The following EXOC6 variants were observed in gnomAD, a reference collection of about 807,000 sequenced individuals.
The protein encoded by EXOC6 is SEC15-like 1.
Under a neutral mutation model 112.5 loss-of-function variants are expected in EXOC6, and 60 were observed. The ratio of observed to expected loss-of-function variants is 0.53; its 90% confidence interval spans 0.43 to 0.66. The LOEUF is 0.66. EXOC6 is among the 30% of genes least tolerant of loss of function. EXOC6 has a pLI of 0.00. For synonymous variants in EXOC6, 295 were observed against 308.0 expected (o/e 0.96, Z 0.44); for missense variants, 855 against 957.1 (o/e 0.89, Z 1.41).
chr10:92,920,812 T>C (rs549574784), intron 8 of EXOC6, among the ~76,000 whole-genome samples: 1 of 152,248 alleles, frequency 6.6e-6, no homozygotes, highest in Non-Finnish European at 1.5e-5. Flanking sequence ...GTCTTCCTGA[T>C]GGATTGACCT....
chr10:92,908,597 A>G (rs561271462), intron 5 of EXOC6, among the ~76,000 whole-genome samples: 1 of 152,202 alleles, frequency 6.6e-6, no homozygotes, highest in Non-Finnish European at 1.5e-5. Flanking sequence ...CAGTCCAGCT[A>G]CGAATTAATA....
intron 1 of EXOC6, among the ~76,000 whole-genome samples, chr10:92,862,195 A>AT (rs1213813277): frequency 1.3e-5 from 2 of 152,012 alleles, no homozygotes; most frequent in African/African-American, 2.4e-5. Context: ...GCTTTCTATG[A>AT]TTTTACCTAT....
At chr10:92,963,208 TTTGAATG>T (rs1488286279) in intron 17 of EXOC6, among the ~76,000 whole-genome samples, 12 of 152,226 alleles carry the variant, frequency 7.9e-5, no homozygotes, top group African/African-American at 2.7e-4. Flanking sequence ...TTACATGTGT[TTTGAATG>T]TATATTCTGG....
At chr10:93,050,759 C>CAAAAAAAAAAAAAA (rs58439083) in intron 20 of EXOC6, among the ~76,000 whole-genome samples, 4,720 of 37,284 alleles carry the variant, frequency 0.13, 1,808 homozygotes, top group Middle Eastern at 0.27. Context: ...GACTCCGTCT[C>CAAAAAAAAAAAAAA]AAAAAAAAAA....
chr10:92,878,059 C>G (rs1236598052), intron 1 of EXOC6: 6 of 154,732 alleles, frequency 3.9e-5, no homozygotes, highest in Admixed American at 3.3e-4. Flanking sequence ...AGATGGTAAA[C>G]CGGCATTTAT....
rs749931695 is a variant in EXOC6 at position 92,940,715 on chromosome 10, T to TA, written c.1213-12_1213-11insA. Reference sequence around the variant, plus strand: ...ACTTGTTTATCTGCTTTTTTTTTTTTTTGTATTTTAGGGTTATGGTTTTCC... The same window carrying TA: ...ACTTGTTTATCTGCTTTTTTTTTTTTATTGTATTTTAGGGTTATGGTTTTCC... On this transcript the variant is annotated splice_polypyrimidine_tract_variant and intron_variant, in intron 12 of 21. Transcript: ENST00000260762. 1.9e-5 allele frequency: 29 copies of TA among 1,538,452 alleles called. No individual in the cohort carries two copies. Among genetic ancestry groups the TA allele is most frequent in the Non-Finnish European group, 2.5e-5 (29 of 1,138,400 alleles).
intron 1 of EXOC6, among the ~76,000 whole-genome samples, chr10:92,865,087 G>C (rs1848113052): frequency 6.6e-6 from 1 of 152,074 alleles, no homozygotes; most frequent in African/African-American, 2.4e-5. Flanking sequence ...GAAAAATATT[G>C]ATAGTTATAA....
At chr10:92,857,105 T>G (rs1847639925) in intron 1 of EXOC6, among the ~76,000 whole-genome samples, 2 of 152,252 alleles carry the variant, frequency 1.3e-5, no homozygotes, top group South Asian at 4.1e-4. Context: ...AATGTTATTA[T>G]TTACATAGTT....
intron 1 of EXOC6, among the ~76,000 whole-genome samples, chr10:92,863,068 C>T (rs1433367494): frequency 1.3e-5 from 2 of 152,210 alleles, no homozygotes; most frequent in African/African-American, 4.8e-5. Flanking sequence ...ATAAAACTAT[C>T]TGTAGATGAT....
chr10:92,986,372 G>T (rs1349492483), intron 18 of EXOC6, among the ~76,000 whole-genome samples: 1 of 152,140 alleles, frequency 6.6e-6, no homozygotes, highest in African/African-American at 2.4e-5. Context: ...AAAAAAGTTA[G>T]TGTTTATCTA....
chr10:92,856,210 A>G (rs115718271), intron 1 of EXOC6, among the ~76,000 whole-genome samples: 2,222 of 151,480 alleles, frequency 0.015, 54 homozygotes, highest in African/African-American at 0.051. Flanking sequence ...AATCTTTATT[A>G]CTTTCTTTCT....
chr10:92,910,603 A>AT (rs951438988), intron 6 of EXOC6, among the ~76,000 whole-genome samples: 4 of 151,700 alleles, frequency 2.6e-5, no homozygotes, highest in Admixed American at 2.0e-4. Context: ...TAAAAAAACT[A>AT]TAAAAAAAAT....
intron 8 of EXOC6, among the ~76,000 whole-genome samples, chr10:92,925,852 G>A (rs983577984): frequency 3.3e-5 from 5 of 151,966 alleles, no homozygotes; most frequent in African/African-American, 1.2e-4. Context: ...TTTTTAAAGA[G>A]ATAGCTTGAC....
chr10:93,033,609 A>G (rs1845373304), intron 20 of EXOC6, among the ~76,000 whole-genome samples: 1 of 152,188 alleles, frequency 6.6e-6, no homozygotes. Context: ...GTTTTTGTAA[A>G]TTGCCTTAAA....
At chr10:92,983,308 C>T (rs1842889784) in intron 18 of EXOC6, among the ~76,000 whole-genome samples, 1 of 152,058 alleles carries the variant, frequency 6.6e-6, no homozygotes, top group African/African-American at 2.4e-5. Flanking sequence ...TCCCCATTTC[C>T]ACTCCCAGTC....
intron 19 of EXOC6, among the ~76,000 whole-genome samples, chr10:93,007,300 T>TA (rs1844037124): frequency 6.6e-6 from 1 of 151,746 alleles, no homozygotes; most frequent in Admixed American, 6.6e-5. Flanking sequence ...TTTTTTTTTT[T>TA]TATATATACA....
chr10:93,036,736 G>T (rs191775424), intron 20 of EXOC6, among the ~76,000 whole-genome samples: 1,564 of 152,218 alleles, frequency 0.01, 24 homozygotes, highest in African/African-American at 0.035. Flanking sequence ...ACAGATTTAT[G>T]GAAAAAATTA....
At chr10:92,978,901 G>A (rs1842728753) in intron 18 of EXOC6, among the ~76,000 whole-genome samples, 1 of 152,066 alleles carries the variant, frequency 6.6e-6, no homozygotes, top group Non-Finnish European at 1.5e-5. Context: ...CCCGTGCCCT[G>A]TCTTTGGTTT....
rs554193329 is a variant in EXOC6, at chr10:92,928,669, A to G, written c.972+247A>G. Among the ~76,000 whole-genome samples the G allele has an allele frequency of 2.0e-5, 3 of 152,164 alleles. No homozygotes were observed. The South Asian group carries it at 6.2e-4, about 32-fold the overall frequency. On this transcript the variant is annotated intron_variant, in intron 9 of 21. Transcript: ENST00000260762. ...AATTTAAAAAAAAAAAAAAGGACCA[A>G]CAAGAAATATATAAAATATCAGGGA... is the stretch of plus-strand genomic sequence containing the variant.
Sources: allele counts gnomAD v4.1 joint callset (sites outside exome capture counted in the v4.1 genomes callset), GRCh38; gene constraint gnomAD v4.1.1; transcripts MANE v1.5; gene names NCBI Gene and HGNC (gene_info 2026-07-23, HGNC 2026-07-21).